Variants in COPS7B observed in about 807,000 individuals in gnomAD.
COPS7B encodes the protein COP9 signalosome subunit 7B, also known as COP9 signalosome complex subunit 7b.
A neutral mutation model predicts 33.4 loss-of-function variants in COPS7B; 9 were observed. The observed-to-expected ratio is 0.27, with a 90% CI of 0.16 to 0.47. The LOEUF (loss-of-function observed/expected upper bound fraction) is 0.47. Ranked by LOEUF, COPS7B falls within the 20% of genes least tolerant of loss-of-function variation. The pLI is 0.99. For synonymous variants in COPS7B, 119 were observed against 126.3 expected, an observed-to-expected ratio of 0.94 and a Z score of 0.39; for missense variants, 242 against 318.2, an observed-to-expected ratio of 0.76 and a Z score of 1.82.
rs1328503140 is a variant in COPS7B, at chr2:231,808,321, G to A, written c.*676G>A. ...CTGAGCACAGACAGAGGGTGCTGTG[G>A]GTCTGCTGGGTGGCAGAAATGGTTC... On this transcript the variant is annotated 3_prime_UTR_variant, in exon 7 of 7. Coordinates refer to ENST00000350033, the MANE Select transcript of COPS7B (RefSeq NM_022730.4). 2.4e-6 allele frequency: 1 copy of A among 416,584 alleles called. No individual in the cohort carries two copies. The highest frequency in any genetic ancestry group is 5.0e-6 in the Non-Finnish European group (1 of 201,372). 25.8% of individuals were successfully genotyped at this position (416,584 alleles called of 1,614,324 possible).
At chr2:231,801,115 TTTTC>T (rs1485875283) in intron 6 of COPS7B, 13 of 1,549,902 alleles carry the variant, frequency 8.4e-6, no homozygotes, top group African/African-American at 2.7e-5. Context: ...ATTGGTGATC[TTTTC>T]TTTATTTGTC....
At chr2:231,790,904 A>G (rs1048242236) in intron 2 of COPS7B, 1 of 149,704 alleles carries the variant, frequency 6.7e-6, no homozygotes, top group Non-Finnish European at 1.5e-5. Flanking sequence ...GCGCCCGGCT[A>G]ATTTTTTGTA....
upstream of COPS7B, among the ~76,000 whole-genome samples, chr2:231,782,071 A>G (rs1347001972): frequency 1.3e-5 from 2 of 152,138 alleles, no homozygotes; most frequent in African/African-American, 4.8e-5. Flanking sequence ...ACATAAAGGG[A>G]CTTTGCTAAT....
chr2:231,807,946 C>T lies in COPS7B; in HGVS notation c.*301C>T. On this transcript the variant is annotated 3_prime_UTR_variant, in exon 7 of 7. Coordinates refer to ENST00000350033, the MANE Select transcript of COPS7B (RefSeq NM_022730.4). ...TCTCTGTGTAAGGGCTTGTCTCCCT[C>T]CCAGTTTTTCTTTTGCTCCACGTCA... is the stretch of plus-strand genomic sequence containing the variant. The T allele has an allele frequency of 3.8e-6, 1 of 263,190 alleles. No homozygotes were observed. Among genetic ancestry groups the T allele is most frequent in the Non-Finnish European group, 7.2e-6 (1 of 139,526 alleles). 16.3% of individuals were successfully genotyped at this position (263,190 alleles called of 1,614,324 possible).
At chr2:231,804,401 C>T (rs1054226109) in intron 6 of COPS7B, among the ~76,000 whole-genome samples, 2 of 151,988 alleles carry the variant, frequency 1.3e-5, no homozygotes, top group Non-Finnish European at 2.9e-5. Context: ...GTGCCCGCCA[C>T]GTCACCCGGC....
intron 6 of COPS7B, chr2:231,801,197 G>C (rs2049735151): frequency 6.5e-7 from 1 of 1,550,154 alleles, no homozygotes. Flanking sequence ...TATAACAACA[G>C]CTTTCTTCTG....
chr2:231,788,426 G>A (rs1239517138), intron 1 of COPS7B, 129 bp from the exon 2 acceptor site: 5 of 848,438 alleles, frequency 5.9e-6, no homozygotes, highest in Non-Finnish European at 8.9e-6. Context: ...ATGAGCCACT[G>A]CACTTGTCCT....
At chr2:231,798,465 C>G (rs1375484658) in intron 5 of COPS7B, among the ~76,000 whole-genome samples, 3 of 151,910 alleles carry the variant, frequency 2.0e-5, no homozygotes, top group Non-Finnish European at 4.4e-5. Context: ...CTGTGTTGGC[C>G]AGGCTGGTCT....
At chr2:231,794,404 C>T in intron 4 of COPS7B, 53 bp downstream of exon 4, 1 of 1,417,970 alleles carries the variant, frequency 7.1e-7, no homozygotes. Flanking sequence ...TCAGCTGTCT[C>T]ATTGACATCA....
At chr2:231,783,806 T>C (rs1321360382), upstream of COPS7B, among the ~76,000 whole-genome samples, 1 of 152,158 alleles carries the variant, frequency 6.6e-6, no homozygotes, top group East Asian at 1.9e-4. Context: ...GCACCAGCAT[T>C]GCCCACTGCA....
chr2:231,781,702 A>T, upstream of COPS7B: 1 of 765,850 alleles, frequency 1.3e-6, no homozygotes, highest in Admixed American at 2.4e-5. Flanking sequence ...GTTCCTCTGT[A>T]ACTTAGACTC....
At chr2:231,802,495 A>T (rs930621202) in intron 6 of COPS7B, among the ~76,000 whole-genome samples, 1 of 152,230 alleles carries the variant, frequency 6.6e-6, no homozygotes, top group Non-Finnish European at 1.5e-5. Context: ...TAGCAGTGCA[A>T]TCTTACTTGA....
rs1338843431 is a variant in COPS7B at position 231,788,685 on chromosome 2, G to A, written c.115G>A (p.Gly39Arg). The change falls in exon 2 of 7, where the codon GGA becomes AGA. Residue 39 changes from glycine to arginine, a missense_variant. Coordinates refer to ENST00000350033, the MANE Select transcript of COPS7B (RefSeq NM_022730.4). Reference protein sequence around the residue: ...ALISQVLEAPGVYVFGELLEL... With the variant: ...ALISQVLEAPRVYVFGELLEL... ...CATAAGCCAGGTCTTAGAGGCTCCCGGAGTGTATGTCTTTGGAGAACTTCT... is the reference window on the plus strand; with the variant it reads ...CATAAGCCAGGTCTTAGAGGCTCCCAGAGTGTATGTCTTTGGAGAACTTCT... 4 of 1,614,056 alleles carry A rather than the reference G, an allele frequency of 2.5e-6. No individual in the cohort carries two copies. Among genetic ancestry groups the A allele is most frequent in the African/African-American group, 1.3e-5 (1 of 74,904 alleles).
chr2:231,807,345 T>A, intron 6 of COPS7B, 142 bp from the exon 7 acceptor site: 1 of 797,078 alleles, frequency 1.3e-6, no homozygotes, highest in Non-Finnish European at 1.9e-6. Flanking sequence ...CAGGCTCGTT[T>A]CTGCTCATCT....
Position 231,791,797 on chromosome 2 carries a change from C to T in COPS7B, c.227C>T (p.Pro76Leu). The change falls in exon 3 of 7, where the codon CCA (proline) becomes CTA (leucine). Residue 76 changes from proline to leucine, a missense_variant. Coordinates refer to ENST00000350033, the MANE Select transcript of COPS7B (RefSeq NM_022730.4). ...AACCTGTTTGCCTATGGGACATACCCAGATTACATAGGTGAGTTGGTGAAG... is the reference window on the plus strand; with the variant it reads ...AACCTGTTTGCCTATGGGACATACCTAGATTACATAGGTGAGTTGGTGAAG... The part of the protein sequence containing the change: ...LLNLFAYGTY[P>L]DYIANKESLP... 6.2e-7 allele frequency: 1 copy of T among 1,613,410 alleles called. No individual in the cohort carries two copies. Among genetic ancestry groups the T allele is most frequent in the Non-Finnish European group, 8.5e-7 (1 of 1,179,336 alleles).
intron 1 of COPS7B, among the ~76,000 whole-genome samples, chr2:231,787,207 T>G (rs977992108): frequency 1.3e-5 from 2 of 152,140 alleles, no homozygotes; most frequent in Non-Finnish European, 2.9e-5. Context: ...CCCCAGCACT[T>G]CATTGTTTTT....
intron 3 of COPS7B, chr2:231,792,356 G>A (rs2049441845): frequency 3.9e-6 from 1 of 257,042 alleles, no homozygotes; most frequent in Admixed American, 5.0e-5. Context: ...GCTCGGCGTG[G>A]TGGTGGGCGC....
intron 6 of COPS7B, among the ~76,000 whole-genome samples, chr2:231,802,409 T>C (rs760297961): frequency 6.6e-6 from 1 of 152,214 alleles, no homozygotes; most frequent in Non-Finnish European, 1.5e-5. Context: ...TGAAGGAAGG[T>C]TTCCTGCCCC....
chr2:231,781,976 C>T, upstream of COPS7B: 1 of 1,247,622 alleles, frequency 8.0e-7, no homozygotes, highest in Admixed American at 2.2e-5. Context: ...TGGTCTGAGG[C>T]GCCTTTTACA....
Sources: gnomAD v4.1 joint callset for allele counts (sites outside exome capture counted in the v4.1 genomes callset) on GRCh38, gnomAD v4.1.1 for gene constraint, MANE v1.5 for transcripts, NCBI Gene and HGNC (gene_info 2026-07-23, HGNC 2026-07-21) for gene names.